Variants in HABP4 observed in about 807,000 individuals in gnomAD.
HABP4 encodes intracellular hyaluronan-binding protein 4.
HABP4 carries 32 observed loss-of-function variants against 44.1 expected under a neutral mutation model. That is an observed-to-expected ratio of 0.73 (90% confidence interval 0.55 to 0.97). The LOEUF is 0.97. HABP4 is among the 50% of genes least tolerant of loss of function. The pLI is 0.00. For synonymous variants in HABP4, 216 were observed against 218.0 expected, an observed-to-expected ratio of 0.99 and a Z score of 0.08; for missense variants, 503 against 561.9, an observed-to-expected ratio of 0.90 and a Z score of 1.06.
rs1832420621 is a variant in HABP4, at chr9:96,457,801, G to A, written c.350-578G>A. On this transcript the variant is annotated intron_variant, in intron 1 of 7. Transcript: ENST00000375249. ...GAGAATTGCTTGAGCCTGGGAGGCG[G>A]AGATTGCAGTGAGCCAAGATTAAAC... is the stretch of plus-strand genomic sequence containing the variant. 1.3e-5 allele frequency among the ~76,000 whole-genome samples: 2 copies of A among 152,214 alleles called. 1 individual carries two copies. The highest frequency in any genetic ancestry group is 4.1e-4 in the South Asian group (2 of 4,830).
intron 4 of HABP4, among the ~76,000 whole-genome samples, chr9:96,469,847 C>T (rs1197200463): frequency 6.6e-6 from 1 of 152,090 alleles, no homozygotes; most frequent in Non-Finnish European, 1.5e-5. Context: ...AATAGCAGAA[C>T]CTGCCAAATT....
At chr9:96,465,644 C>G (rs1832587491) in intron 3 of HABP4, 66 bp from the exon 4 acceptor site, 1 of 1,250,928 alleles carries the variant, frequency 8.0e-7, no homozygotes, top group Non-Finnish European at 1.2e-6. Flanking sequence ...ATGAACCACT[C>G]TTTCTGATTT....
Position 96,450,346 on chromosome 9 carries a change from G to T in HABP4, c.67G>T (p.Val23Leu), listed in dbSNP as rs1345388216. ...CGCGATGCAGGAGAGTTTCGGCTGC[G>T]TGGTGGCCAACCGCTTCCATCAGCT... ...GAAMQESFGC[V>L]VANRFHQLLD... Residue 23 changes from valine (V) to leucine (L), a missense_variant, in exon 1 of 8, where the codon GTG becomes TTG. By Grantham distance (32) the Val-to-Leu change is conservative. This residue lies in a region of HABP4 where 290 missense variants were observed against 300.5 expected (regional missense o/e 0.97). Transcript: ENST00000375249. The surrounding 1 kb of genome is among the most constrained non-coding windows in gnomAD (Gnocchi z 4.8). 3 of 1,475,198 alleles carry T rather than the reference G, an allele frequency of 2.0e-6. No homozygotes were observed. The highest frequency in any genetic ancestry group is 2.7e-6 in the Non-Finnish European group (3 of 1,105,122). The allele number at this position is 1,475,198 out of a possible 1,614,324, so 91.4% of individuals were successfully genotyped here.
Position 96,465,339 on chromosome 9 carries a change from C to T in HABP4, c.515C>T (p.Pro172Leu), listed in dbSNP as rs749793494. The T allele has an allele frequency of 1.9e-6, 3 of 1,602,544 alleles. No individual in the cohort carries two copies. The highest frequency in any genetic ancestry group is 3.3e-5 in the Admixed American group (2 of 59,906). ...FTAEKFPDEK[P>L]GDRFDRDRPL... ...TTATTATATCCACTCCTTCCTAGAC[C>T]AGGTGATAGGTTTGATCGAGACAGA... Residue 172 changes from proline to leucine, a missense_variant and splice_region_variant, in exon 3 of 8, where the codon CCA becomes CTA. Pro to Leu is a moderately conservative substitution (Grantham distance 98). This residue lies in a region of HABP4 where 290 missense variants were observed against 300.5 expected (regional missense o/e 0.97). Transcript: ENST00000375249.
intron 4 of HABP4, among the ~76,000 whole-genome samples, chr9:96,469,829 T>G (rs141107538): frequency 3.0e-4 from 45 of 152,248 alleles, no homozygotes; most frequent in African/African-American, 9.1e-4. Context: ...ATGATTTACT[T>G]TCAACAAAAT....
At chr9:96,469,635 G>A (rs1357672022) in intron 4 of HABP4, among the ~76,000 whole-genome samples, 1 of 151,904 alleles carries the variant, frequency 6.6e-6, no homozygotes, top group Non-Finnish European at 1.5e-5. Context: ...TGATTCTCCT[G>A]CCTCAGCCTC....
chr9:96,490,672 C>G lies in HABP4; in HGVS notation c.*634C>G, dbSNP rs1224576238. 2 of 152,312 alleles carry G rather than the reference C, an allele frequency of 1.3e-5. No individual in the cohort carries two copies. The highest frequency in any genetic ancestry group is 1.9e-4 in the East Asian group (1 of 5,180). The allele number at this position is 152,312 out of a possible 1,614,324, so 9.4% of individuals were successfully genotyped here. ...GGTGATTTAAACTACCTCGTGGTTT[C>G]TGTGTGTGTGCACACACACATCTAG... is the stretch of plus-strand genomic sequence containing the variant. On this transcript the variant is annotated 3_prime_UTR_variant, in exon 8 of 8. Transcript: ENST00000375249.
intron 1 of HABP4, 111 bp from the exon 2 acceptor site, chr9:96,458,268 C>G: frequency 9.0e-7 from 1 of 1,106,628 alleles, no homozygotes; most frequent in Middle Eastern, 2.2e-4. Context: ...CCTGAATTCT[C>G]CTATGACGTT....
In HABP4 at chr9:96,484,443, A is replaced by C. The variant is rs1220814296; in HGVS notation, c.828-19A>C. 10 of 1,174,172 alleles carry C rather than the reference A, an allele frequency of 8.5e-6. No individual in the cohort carries two copies. The highest frequency in any genetic ancestry group is 1.2e-5 in the Non-Finnish European group (10 of 805,972). 72.7% of individuals were successfully genotyped at this position (1,174,172 alleles called of 1,614,324 possible). On this transcript the variant is annotated intron_variant, in intron 5 of 7. Coordinates refer to ENST00000375249, the MANE Select transcript of HABP4 (RefSeq NM_014282.4). ...GTACCATCAAAAAGTATTCTTTATG[A>C]TTATATATCTCTTTATAGAGTTCCT...
In HABP4 at chr9:96,458,386, G is replaced by T. The variant is rs762365131; in HGVS notation, c.357G>T (p.Lys119Asn). The change falls in exon 2 of 8, where the codon AAG becomes AAT. Residue 119 changes from lysine (K) to asparagine (N), a missense_variant. Around this residue, in one of 3 missense-constraint regions of HABP4, gnomAD observed 290 missense variants for 300.5 expected, o/e 0.97. Coordinates refer to ENST00000375249, the MANE Select transcript of HABP4 (RefSeq NM_014282.4). ...PGGGLQAPGQ[K>N]RTPRRGEQQG... Reference sequence around the variant, plus strand: ...TTGATTTTCTGTTGGTAGGCCAGAAGCGGACTCCTAGAAGAGGGGAGCAGC... The same window carrying T: ...TTGATTTTCTGTTGGTAGGCCAGAATCGGACTCCTAGAAGAGGGGAGCAGC... 7 of 1,613,886 alleles carry T rather than the reference G, an allele frequency of 4.3e-6. No individual in the cohort carries two copies. The East Asian group carries it at 1.6e-4, about 36-fold the overall frequency.
intron 1 of HABP4, among the ~76,000 whole-genome samples, chr9:96,457,148 C>T (rs1015683458): frequency 1.3e-5 from 2 of 152,062 alleles, no homozygotes; most frequent in Non-Finnish European, 2.9e-5. Context: ...GTAATCCTGG[C>T]ACTTTGGGAG....
At chr9:96,463,866 A>G (rs1832551239) in intron 2 of HABP4, among the ~76,000 whole-genome samples, 1 of 152,224 alleles carries the variant, frequency 6.6e-6, no homozygotes. Flanking sequence ...TTGAGCTACT[A>G]ATGCCACTAG....
In HABP4 at chr9:96,480,870, T is replaced by C. The variant is rs138887536; in HGVS notation, c.828-3592T>C. Among the ~76,000 whole-genome samples the C allele has an allele frequency of 3.9e-3, 596 of 152,314 alleles. 2 individuals carry two copies. Among genetic ancestry groups the C allele is most frequent in the Non-Finnish European group, 5.7e-3 (386 of 68,024 alleles). The stretch of plus-strand genomic sequence containing the variant: ...CAGAAAGTTCTTTCATATTCCTTCA[T>C]GTTATCTTTGCTTTGATGTTTTTTC... On this transcript the variant is annotated intron_variant, in intron 5 of 7. Coordinates refer to ENST00000375249, the MANE Select transcript of HABP4 (RefSeq NM_014282.4).
intron 5 of HABP4, among the ~76,000 whole-genome samples, chr9:96,474,180 T>G (rs1289058782): frequency 6.6e-6 from 1 of 152,184 alleles, no homozygotes; most frequent in Non-Finnish European, 1.5e-5. Flanking sequence ...ACAATTGCAA[T>G]GTATTATTCA....
chr9:96,490,236 T>G lies in HABP4; in HGVS notation c.*198T>G, dbSNP rs150998510. 223 of 586,676 alleles carry G rather than the reference T, an allele frequency of 3.8e-4. No homozygotes were observed. Among genetic ancestry groups the G allele is most frequent in the African/African-American group, 3.7e-3 (198 of 53,700 alleles). 36.3% of individuals were successfully genotyped at this position (586,676 alleles called of 1,614,324 possible). On this transcript the variant is annotated 3_prime_UTR_variant, in exon 8 of 8. Transcript: ENST00000375249. ...GAGAGCAGGCCATTTCCCAAGAAGA[T>G]GAAGAATGGTGACTGTGTTTTTATT... is the stretch of plus-strand genomic sequence containing the variant.
At position 96,456,773 on chromosome 9, in the gene HABP4, A is replaced by G. The variant is rs1587770125; in HGVS notation, c.350-1606A>G. On this transcript the variant is annotated intron_variant, in intron 1 of 7. Coordinates refer to ENST00000375249, the MANE Select transcript of HABP4 (RefSeq NM_014282.4). ...AGACTCCATCTCAAAAAAAAAAAAAAAAAAAAAATATATATATATATATAT... is the reference window on the plus strand; with the variant it reads ...AGACTCCATCTCAAAAAAAAAAAAAGAAAAAAAATATATATATATATATAT... 2.9e-5 allele frequency among the ~76,000 whole-genome samples: 2 copies of G among 69,310 alleles called. 1 individual carries two copies. The highest frequency in any genetic ancestry group is 5.2e-5 in the Non-Finnish European group (2 of 38,608). 45.5% of individuals were successfully genotyped at this position (69,310 alleles called of 152,430 possible). A position where few individuals can be genotyped will look rare whatever the true frequency, so the allele number is the denominator to read the frequency against.
intron 1 of HABP4, among the ~76,000 whole-genome samples, chr9:96,454,396 CT>C (rs1053274747): frequency 6.7e-6 from 1 of 148,930 alleles, no homozygotes; most frequent in Non-Finnish European, 1.5e-5. Context: ...AATTAACTTT[CT>C]TAGTGGCTTT....
chr9:96,455,316 G>A (rs1000720504), intron 1 of HABP4, among the ~76,000 whole-genome samples: 2 of 151,374 alleles, frequency 1.3e-5, no homozygotes, highest in Non-Finnish European at 2.9e-5. Flanking sequence ...CCTGAGCGTG[G>A]TGGCACAGGC....
In HABP4 at chr9:96,452,229, A is replaced by C. The variant is rs1297532797; in HGVS notation, c.349+1601A>C. Reference sequence around the variant, plus strand: ...GAGAAAGAGCGAGACTCCGTCACAAAAAAAAAAAAAAAAAAATTCTGTGCT... The same window carrying C: ...GAGAAAGAGCGAGACTCCGTCACAACAAAAAAAAAAAAAAAATTCTGTGCT... On this transcript the variant is annotated intron_variant, in intron 1 of 7. Transcript: ENST00000375249. Among the ~76,000 whole-genome samples, 12 of 149,316 alleles carry C rather than the reference A, an allele frequency of 8.0e-5. No homozygotes were observed. The South Asian group carries it at 2.3e-3, about 29-fold the overall frequency.
Sources: gnomAD v4.1 joint callset for allele counts (sites outside exome capture counted in the v4.1 genomes callset) on GRCh38, gnomAD v4.1.1 for gene constraint, gnomAD v4.1.1 regional missense constraint, Gnocchi (gnomAD v3.1) non-coding constraint, MANE v1.5 for transcripts, NCBI Gene and HGNC (gene_info 2026-07-23, HGNC 2026-07-21) for gene names.